Variants in DDR2 observed in about 807,000 individuals in gnomAD.
DDR2 encodes discoidin domain-containing receptor 2.
Under a neutral mutation model 94.9 loss-of-function variants are expected in DDR2, and 27 were observed. That is an observed-to-expected ratio of 0.28 (90% confidence interval 0.21 to 0.39). DDR2 has a LOEUF of 0.39. DDR2 is among the 10% of genes least tolerant of loss of function. The pLI is 1.00. For synonymous variants in DDR2, 382 were observed against 377.2 expected, an observed-to-expected ratio of 1.01 and a Z score of -0.15; for missense variants, 783 against 1,076.0, an observed-to-expected ratio of 0.73 and a Z score of 3.81.
intron 2 of DDR2, among the ~76,000 whole-genome samples, chr1:162,660,413 G>T (rs1205569082): frequency 6.6e-6 from 1 of 152,054 alleles, no homozygotes; most frequent in Non-Finnish European, 1.5e-5. Context: ...GTCTAAAATA[G>T]ATCTTTACTA....
rs527706530 is a variant in DDR2 at position 162,668,117 on chromosome 1, T to C, written c.-28+12743T>C. Among the ~76,000 whole-genome samples the C allele has an allele frequency of 4.6e-5, 7 of 151,982 alleles. No individual in the cohort carries two copies. The East Asian group carries it at 1.4e-3, about 29-fold the overall frequency. ...CAAACTTTAAGGGGATGCCAAAAAC[T>C]CAGCTATCAAGATAAATAAAATTTT... On this transcript the variant is annotated intron_variant, in intron 2 of 17. Transcript: ENST00000367921.
chr1:162,761,171 C>T, intron 8 of DDR2, 40 bp from the exon 9 acceptor site: 1 of 1,613,100 alleles, frequency 6.2e-7, no homozygotes, highest in Non-Finnish European at 8.5e-7. Flanking sequence ...TGCACCTTAG[C>T]AGGGCCAACC....
chr1:162,739,233 A>G lies in DDR2; in HGVS notation c.83-13862A>G, dbSNP rs567382076. ...ATCTGACAAAGGGCTAATATCCAGA[A>G]TCTACGATGAACTCAAACAAATTTA... On this transcript the variant is annotated intron_variant, in intron 3 of 17. Coordinates refer to ENST00000367921, the MANE Select transcript of DDR2 (RefSeq NM_006182.4). Among the ~76,000 whole-genome samples the G allele has an allele frequency of 4.1e-5, 6 of 148,002 alleles. No homozygotes were observed. In the East Asian group the frequency reaches 8.1e-4, roughly 20 times the overall value.
intron 2 of DDR2, among the ~76,000 whole-genome samples, chr1:162,701,961 G>A (rs1558035251): frequency 6.6e-6 from 1 of 152,032 alleles, no homozygotes; most frequent in African/African-American, 2.4e-5. Flanking sequence ...TGTTTTCTTG[G>A]TAGGGAGTCA....
At chr1:162,690,466 C>T (rs764716953) in intron 2 of DDR2, among the ~76,000 whole-genome samples, 28 of 152,136 alleles carry the variant, frequency 1.8e-4, no homozygotes, top group Non-Finnish European at 3.5e-4. Context: ...ATTCATTCAG[C>T]AGCTCTTTCC....
At chr1:162,707,967 T>G (rs1301102514) in intron 2 of DDR2, among the ~76,000 whole-genome samples, 1 of 152,144 alleles carries the variant, frequency 6.6e-6, no homozygotes, top group Non-Finnish European at 1.5e-5. Context: ...ACCTGGCTGT[T>G]TTAGAAGTTC....
intron 2 of DDR2, among the ~76,000 whole-genome samples, chr1:162,682,119 C>A (rs1339857284): frequency 6.6e-6 from 1 of 152,080 alleles, no homozygotes; most frequent in Non-Finnish European, 1.5e-5. Context: ...CTCCTCCCAC[C>A]TCTTTCCTGG....
chr1:162,704,328 G>C (rs1660559713), intron 2 of DDR2, among the ~76,000 whole-genome samples: 1 of 152,076 alleles, frequency 6.6e-6, no homozygotes, highest in African/African-American at 2.4e-5. Context: ...GTTGTAAAGG[G>C]GCAGCAAAGC....
At chr1:162,717,594 G>A (rs1242899772) in intron 2 of DDR2, among the ~76,000 whole-genome samples, 1 of 152,100 alleles carries the variant, frequency 6.6e-6, no homozygotes, top group East Asian at 1.9e-4. Flanking sequence ...CCTGAGCTGC[G>A]ATAGTTTCTC....
chr1:162,717,987 A>G (rs1661245780), intron 2 of DDR2, among the ~76,000 whole-genome samples: 2 of 152,350 alleles, frequency 1.3e-5, no homozygotes, highest in Non-Finnish European at 2.9e-5. Context: ...TCTTAAGAGC[A>G]GATTATCTAC....
At chr1:162,753,774 C>A (rs966654157) in intron 4 of DDR2, among the ~76,000 whole-genome samples, 5 of 152,190 alleles carry the variant, frequency 3.3e-5, no homozygotes, top group African/African-American at 1.2e-4. Flanking sequence ...CATCAATAAA[C>A]TCCCTACTGC....
At chr1:162,702,313 A>G (rs1174186392) in intron 2 of DDR2, among the ~76,000 whole-genome samples, 1 of 152,032 alleles carries the variant, frequency 6.6e-6, no homozygotes, top group East Asian at 1.9e-4. Flanking sequence ...GCTGGAGAAA[A>G]GGTATCTTTT....
intron 4 of DDR2, among the ~76,000 whole-genome samples, chr1:162,753,974 T>C (rs1386974283): frequency 6.6e-6 from 1 of 152,144 alleles, no homozygotes; most frequent in East Asian, 1.9e-4. Context: ...GTAATATCTG[T>C]GAGAAAAGGG....
chr1:162,761,077 T>C (rs1663715268), intron 8 of DDR2, 134 bp from the exon 9 acceptor site: 2 of 1,293,628 alleles, frequency 1.5e-6, no homozygotes, highest in Non-Finnish European at 2.2e-6. Flanking sequence ...GGAAGCAGGA[T>C]GGCAGTCTTC....
Position 162,773,546 on chromosome 1 carries a change from T to A in DDR2, c.1806T>A (p.Pro602=), listed in dbSNP as rs1190688668. 1 of 1,614,124 alleles carries A rather than the reference T, an allele frequency of 6.2e-7. No homozygotes were observed. The highest frequency in any genetic ancestry group is 1.1e-5 in the South Asian group (1 of 91,080). The change falls in exon 14 of 18, where the codon CCT becomes CCA. Residue 602 remains proline (P), a synonymous_variant. Coordinates refer to ENST00000367921, the MANE Select transcript of DDR2 (RefSeq NM_006182.4). ...CCCTAGATGTCAGTGCCAACCAGCC[T>A]GTCCTGGTGGCTGTGAAAATGCTCC... ...DFALDVSANQ[P]VLVAVKMLRA... is the part of the protein sequence containing the mutation.
At chr1:162,696,867 C>T (rs1288178839) in intron 2 of DDR2, among the ~76,000 whole-genome samples, 5 of 152,160 alleles carry the variant, frequency 3.3e-5, no homozygotes, top group African/African-American at 1.2e-4. Context: ...TCTGACTGTG[C>T]TAATCCTCTG....
At chr1:162,690,518 A>G (rs1659916681) in intron 2 of DDR2, among the ~76,000 whole-genome samples, 1 of 152,224 alleles carries the variant, frequency 6.6e-6, no homozygotes, top group Admixed American at 6.5e-5. Flanking sequence ...TACTAGATAC[A>G]TAACGGGTGA....
At chr1:162,767,498 T>A in intron 11 of DDR2, 139 bp downstream of exon 11, 1 of 1,313,812 alleles carries the variant, frequency 7.6e-7, no homozygotes, top group Non-Finnish European at 1.1e-6. Flanking sequence ...AACATAGGAA[T>A]GAAGCCAGAA....
intron 9 of DDR2, among the ~76,000 whole-genome samples, chr1:162,764,021 C>G (rs190567201): frequency 1.3e-4 from 20 of 152,278 alleles, no homozygotes; most frequent in African/African-American, 4.8e-4. Flanking sequence ...GAGAATATAT[C>G]CTACTAAGAA....
Sources: gnomAD v4.1 joint callset for allele counts (sites outside exome capture counted in the v4.1 genomes callset) on GRCh38, gnomAD v4.1.1 for gene constraint, MANE v1.5 for transcripts, NCBI Gene and HGNC (gene_info 2026-07-23, HGNC 2026-07-21) for gene names.